C3orf20: variants seen among roughly 807,000 people sequenced by gnomAD.
The protein encoded by C3orf20 is uncharacterized protein C3orf20.
C3orf20 carries 76 observed loss-of-function variants against 88.3 expected under a neutral mutation model. That is an observed-to-expected ratio of 0.86 (90% CI 0.72 to 1.04). C3orf20 has a LOEUF of 1.04. Among genes scored for constraint, C3orf20 ranks in the 50% least tolerant of loss-of-function variants. C3orf20 has a pLI of 0.00. For synonymous variants in C3orf20, 436 were observed against 437.4 expected, an observed-to-expected ratio of 1.00 and a Z score of 0.04; for missense variants, 1,056 against 1,123.3, an observed-to-expected ratio of 0.94 and a Z score of 0.86.
chr3:14,736,745 T>G (rs2034723747), intron 12 of C3orf20, among the ~76,000 whole-genome samples: 1 of 151,816 alleles, frequency 6.6e-6, no homozygotes, highest in Admixed American at 6.6e-5. Flanking sequence ...TTTCATATTT[T>G]TAATAGACAT....
At chr3:14,724,462 T>A (rs2034279268) in intron 10 of C3orf20, among the ~76,000 whole-genome samples, 2 of 152,280 alleles carry the variant, frequency 1.3e-5, no homozygotes, top group South Asian at 4.1e-4. Context: ...CTTATTTTCT[T>A]ACCTTAAAGC....
intron 7 of C3orf20, among the ~76,000 whole-genome samples, chr3:14,712,727 A>G (rs1299446853): frequency 2.0e-5 from 3 of 152,188 alleles, no homozygotes; most frequent in Non-Finnish European, 2.9e-5. Context: ...TTACTTATAT[A>G]GTTAACTTTA....
At chr3:14,749,843 T>C (rs2035168402) in intron 12 of C3orf20, among the ~76,000 whole-genome samples, 1 of 152,190 alleles carries the variant, frequency 6.6e-6, no homozygotes, top group Non-Finnish European at 1.5e-5. Flanking sequence ...AACTTAGCTT[T>C]AGTAGCATAC....
intron 9 of C3orf20, among the ~76,000 whole-genome samples, chr3:14,719,111 G>A (rs895015767): frequency 6.7e-6 from 1 of 148,898 alleles, no homozygotes; most frequent in Admixed American, 6.7e-5. Flanking sequence ...ACTCTTCATA[G>A]CCTTTGGGTC....
intron 1 of C3orf20, among the ~76,000 whole-genome samples, chr3:14,676,368 G>A (rs2031771790): frequency 6.6e-6 from 1 of 152,020 alleles, no homozygotes; most frequent in South Asian, 2.1e-4. Context: ...AAAAGAAAAG[G>A]CTTTGTATCT....
chr3:14,676,429 G>A (rs2031775371), intron 1 of C3orf20, among the ~76,000 whole-genome samples: 1 of 152,190 alleles, frequency 6.6e-6, no homozygotes, highest in African/African-American at 2.4e-5. Flanking sequence ...TGTAATCAGT[G>A]TATACACACC....
intron 9 of C3orf20, among the ~76,000 whole-genome samples, chr3:14,721,123 A>G (rs561916580): frequency 3.9e-5 from 6 of 152,210 alleles, no homozygotes; most frequent in African/African-American, 1.2e-4. Context: ...ATAATGACAT[A>G]TTTGTGGAAG....
At chr3:14,706,844 G>A (rs1428113514) in intron 7 of C3orf20, among the ~76,000 whole-genome samples, 1 of 152,094 alleles carries the variant, frequency 6.6e-6, no homozygotes, top group Non-Finnish European at 1.5e-5. Context: ...TCCCTCTCAA[G>A]TACAGAAAAT....
At chr3:14,676,592 G>T (rs2031783898) in intron 1 of C3orf20, among the ~76,000 whole-genome samples, 1 of 152,010 alleles carries the variant, frequency 6.6e-6, no homozygotes, top group Admixed American at 6.6e-5. Flanking sequence ...AACAAACATC[G>T]ATCTTTATAC....
At chr3:14,689,078 G>C (rs2124902818) in intron 4 of C3orf20, among the ~76,000 whole-genome samples, 1 of 152,064 alleles carries the variant, frequency 6.6e-6, no homozygotes. Context: ...TTGGAGCAGA[G>C]GTCTCAGTAT....
intron 12 of C3orf20, among the ~76,000 whole-genome samples, chr3:14,756,028 C>CAAAAAAAAAAAAAA (rs56242160): frequency 4.1e-5 from 3 of 72,728 alleles, no homozygotes; most frequent in Non-Finnish European, 7.7e-5. Flanking sequence ...GACTCCATCT[C>CAAAAAAAAAAAAAA]AAAAAAAAAA....
At position 14,684,340 on chromosome 3, in the gene C3orf20, A is replaced by G. The variant is rs1345206261; in HGVS notation, c.583A>G (p.Thr195Ala). The change falls in exon 4 of 17, where the codon ACA (threonine) becomes GCA (alanine). Residue 195 changes from threonine to alanine, a missense_variant. Thr to Ala is a moderately conservative substitution (Grantham distance 58). Transcript: ENST00000253697. ...GATGGCCTTCAACTGCCTGATCAGC[A>G]CAGCCGGGAGAAGTGGCTACAGCAG... Reference protein sequence around the residue: ...KEMAFNCLISTAGRSGYSSGQ... With the variant: ...KEMAFNCLISAAGRSGYSSGQ... 1 of 1,614,072 alleles carries G rather than the reference A, an allele frequency of 6.2e-7. No individual in the cohort carries two copies. The highest frequency in any genetic ancestry group is 8.5e-7 in the Non-Finnish European group (1 of 1,180,036).
At chr3:14,739,526 G>A (rs940502691) in intron 12 of C3orf20, among the ~76,000 whole-genome samples, 5 of 152,180 alleles carry the variant, frequency 3.3e-5, no homozygotes, top group African/African-American at 1.2e-4. Context: ...TTTTCAGAAT[G>A]GTAAATGAGC....
intron 7 of C3orf20, among the ~76,000 whole-genome samples, chr3:14,707,421 A>C (rs2033554751): frequency 6.7e-6 from 1 of 148,932 alleles, no homozygotes; most frequent in Non-Finnish European, 1.5e-5. Context: ...TTACCTAATG[A>C]CGAATGGCGT....
At chr3:14,762,431 G>T (rs752497547) in intron 15 of C3orf20, among the ~76,000 whole-genome samples, 1 of 152,214 alleles carries the variant, frequency 6.6e-6, no homozygotes, top group Non-Finnish European at 1.5e-5. Context: ...TGCATGAAGC[G>T]CCTGAAGACT....
Position 14,757,539 on chromosome 3 carries a change from G to T in C3orf20, c.2109G>T (p.Ala703=). Residue 703 remains alanine, a synonymous_variant, in exon 13 of 17, where the codon GCG becomes GCT. Transcript: ENST00000253697. ...SDVELERFLL[A]PRDPSQVLVF... ...TGGAGCTGGAGCGCTTCCTGTTGGC[G>T]CCCCGAGACCCCAGCCAAGTGCTGG... 1 of 1,614,050 alleles carries T rather than the reference G, an allele frequency of 6.2e-7. No individual in the cohort carries two copies. Among genetic ancestry groups the T allele is most frequent in the Middle Eastern group, 1.7e-4 (1 of 6,052 alleles).
rs765067661 is a variant in C3orf20, at chr3:14,757,392, C to T, written c.1962C>T (p.Arg654=). 2.5e-6 allele frequency: 4 copies of T among 1,611,546 alleles called. No homozygotes were observed. The highest frequency in any genetic ancestry group is 3.4e-6 in the Non-Finnish European group (4 of 1,179,676). Residue 654 remains arginine, a synonymous_variant, in exon 13 of 17, where the codon CGC becomes CGT. Transcript: ENST00000253697. ...GCAGAGGGAAGGCCCGCGAGGGGCG[C>T]AGCCCCACCAGGTGGGCGGCCTTGC... ...VTSRGKAREG[R]SPTRWAALPS... is the part of the protein sequence containing the mutation.
intron 6 of C3orf20, among the ~76,000 whole-genome samples, chr3:14,704,134 G>A (rs2033396923): frequency 1.3e-5 from 2 of 152,066 alleles, no homozygotes; most frequent in South Asian, 2.1e-4. Context: ...ATCAGGCAAG[G>A]GCTATTCTTA....
At chr3:14,693,561 C>A (rs1255625569) in intron 5 of C3orf20, among the ~76,000 whole-genome samples, 3 of 152,158 alleles carry the variant, frequency 2.0e-5, no homozygotes, top group African/African-American at 4.8e-5. Context: ...TGCAACCTTA[C>A]TGAGTTTATC....
Sources: allele counts gnomAD v4.1 joint callset (sites outside exome capture counted in the v4.1 genomes callset), GRCh38; gene constraint gnomAD v4.1.1; transcripts MANE v1.5; gene names NCBI Gene and HGNC (gene_info 2026-07-23, HGNC 2026-07-21).